The following ZFHX3 variants were observed in gnomAD, a reference collection of about 807,000 sequenced individuals.
ZFHX3 encodes zinc finger homeobox protein 3.
Under a neutral mutation model 279.1 loss-of-function variants are expected in ZFHX3, and 42 were observed. That is an observed-to-expected ratio of 0.15 (90% CI 0.12 to 0.19). The LOEUF (loss-of-function observed/expected upper bound fraction) is 0.19. Among genes scored for constraint, ZFHX3 ranks in the 10% least tolerant of loss-of-function variants. The probability of loss-of-function intolerance (pLI) is 1.00; values close to 1 mark genes in which losing one functional copy is unlikely to be tolerated. For synonymous variants in ZFHX3, 2,293 were observed against 1,957.8 expected (o/e 1.17, Z -4.52); for missense variants, 4,981 against 4,754.0 (o/e 1.05, Z -1.40).
intron 3 of ZFHX3, among the ~76,000 whole-genome samples, chr16:72,894,148 C>CA (rs11340955): frequency 0.02 from 2,441 of 124,794 alleles, 34 homozygotes; most frequent in African/African-American, 0.028. Flanking sequence ...AACTCTGTCT[C>CA]AAAAAAAAAA....
chr16:73,726,454 A>T (rs1477716552), intron 1 of ZFHX3, among the ~76,000 whole-genome samples: 1 of 152,136 alleles, frequency 6.6e-6, no homozygotes, highest in Non-Finnish European at 1.5e-5. Flanking sequence ...TGTCCTATGC[A>T]CTGGGGGTTT....
At chr16:73,462,683 C>T (rs2143583545) in intron 2 of ZFHX3, among the ~76,000 whole-genome samples, 1 of 152,128 alleles carries the variant, frequency 6.6e-6, no homozygotes, top group South Asian at 2.1e-4. Context: ...TTATACATTC[C>T]TCTTCTTTAG....
rs541714634 is a variant in ZFHX3 at position 73,202,124 on chromosome 16, A to C, written c.-1104+54923T>G. Among the ~76,000 whole-genome samples, 8 of 152,328 alleles carry C rather than the reference A, an allele frequency of 5.3e-5. No homozygotes were observed. The South Asian group carries it at 1.7e-3, about 32-fold the overall frequency. ...AGATCTCAGCTCAATATTATTCACTATAAGTCTGTGTAGCCAACCACCCAT... is the reference window on the plus strand; with the variant it reads ...AGATCTCAGCTCAATATTATTCACTCTAAGTCTGTGTAGCCAACCACCCAT... On this transcript the variant is annotated intron_variant, in intron 5 of 17. Transcript: ENST00000641206.
Position 72,794,662 on chromosome 16 carries a change from T to C in ZFHX3, c.8020A>G (p.Ile2674Val), listed in dbSNP as rs772944287. ...SNPTRKMLDH[I>V]AHEVGLKKRV... is the part of the protein sequence containing the mutation. ...TTCTTCAAGCCCACCTCGTGTGCAATGTGATCCAACATCTTTCGAGTCGGA... is the reference window on the plus strand; with the variant it reads ...TTCTTCAAGCCCACCTCGTGTGCAACGTGATCCAACATCTTTCGAGTCGGA... The change falls in exon 9 of 10, where the codon ATT (isoleucine) becomes GTT (valine). Residue 2674 changes from isoleucine to valine, a missense_variant. Physicochemically the swap from Ile to Val is conservative, Grantham distance 29. This residue lies in a region of ZFHX3 where 744 missense variants were observed against 701.3 expected (regional missense o/e 1.06). Transcript: ENST00000268489. This position sits in a 1 kb window ranked among gnomAD's most constrained non-coding sequence, Gnocchi z 4.2. 3.1e-6 allele frequency: 5 copies of C among 1,614,226 alleles called. No individual in the cohort carries two copies. In the Admixed American group the frequency reaches 8.3e-5, roughly 27 times the overall value.
intron 2 of ZFHX3, among the ~76,000 whole-genome samples, chr16:73,511,336 C>T (rs1355520585): frequency 1.3e-5 from 2 of 152,172 alleles, no homozygotes; most frequent in African/African-American, 4.8e-5. Flanking sequence ...GATCACTTCC[C>T]CTATCAGTCC....
chr16:73,165,537 T>C (rs915094662), intron 5 of ZFHX3, among the ~76,000 whole-genome samples: 2 of 152,166 alleles, frequency 1.3e-5, no homozygotes, highest in African/African-American at 4.8e-5. Context: ...ACTTGGTCTA[T>C]GGAAAATGTA....
intron 5 of ZFHX3, among the ~76,000 whole-genome samples, chr16:73,229,774 G>C (rs1156656466): frequency 6.6e-6 from 1 of 152,146 alleles, no homozygotes; most frequent in African/African-American, 2.4e-5. Context: ...TAGTTCATAA[G>C]ACTCTTGAAA....
intron 1 of ZFHX3, among the ~76,000 whole-genome samples, chr16:73,713,474 C>T (rs2053383580): frequency 6.6e-6 from 1 of 152,084 alleles, no homozygotes. Flanking sequence ...TAGCACAAAC[C>T]CTGCAAATAG....
intron 2 of ZFHX3, among the ~76,000 whole-genome samples, chr16:73,528,090 C>A (rs2019725806): frequency 6.6e-6 from 1 of 152,132 alleles, no homozygotes; most frequent in Non-Finnish European, 1.5e-5. Context: ...TTTTAGTATC[C>A]TTTTCTCTAA....
rs530797857 is a variant in ZFHX3, at chr16:73,124,489, C to T, written c.-897+6479G>A. On this transcript the variant is annotated intron_variant, in intron 7 of 17. Coordinates refer to the ZFHX3 transcript ENST00000641206. ...ATTAGGTTTCAACATTCAGACCATA[C>T]CCTAGAGCGATTCAGAGTGCGGGCT... is the stretch of plus-strand genomic sequence containing the variant. Among the ~76,000 whole-genome samples the T allele has an allele frequency of 3.6e-4, 55 of 152,302 alleles. No homozygotes were observed. The South Asian group carries it at 0.011, about 32-fold the overall frequency.
At position 73,779,158 on chromosome 16, in the gene ZFHX3, C is replaced by A. The variant is rs80313331; in HGVS notation, c.-1607-98918G>T. On this transcript the variant is annotated intron_variant, in intron 1 of 17. Transcript: ENST00000641206. ...AAACCAGCATATGGCTATAGCATTC[C>A]CGAGCCTCCCAACATGTGCCAAAGT... Among the ~76,000 whole-genome samples, 1,216 of 152,228 alleles carry A rather than the reference C, an allele frequency of 8.0e-3. 17 individuals carry two copies. Among genetic ancestry groups the A allele is most frequent in the African/African-American group, 0.028 (1,162 of 41,524 alleles).
chr16:73,662,177 T>C (rs1003627044), intron 2 of ZFHX3, among the ~76,000 whole-genome samples: 2 of 152,302 alleles, frequency 1.3e-5, no homozygotes, highest in East Asian at 3.9e-4. Flanking sequence ...GGTGATATAA[T>C]CACCTGTTAC....
chr16:73,849,921 C>A (rs975699080), intron 1 of ZFHX3, among the ~76,000 whole-genome samples: 4 of 151,994 alleles, frequency 2.6e-5, no homozygotes, highest in African/African-American at 9.7e-5. Context: ...TTAGTAGAGG[C>A]GGGGTTTCAC....
chr16:73,433,927 G>C (rs2017952621), intron 3 of ZFHX3, among the ~76,000 whole-genome samples: 1 of 152,326 alleles, frequency 6.6e-6, no homozygotes, highest in East Asian at 1.9e-4. Context: ...GCCAGAGGGA[G>C]AAAGACTGGA....
At chr16:73,718,747 C>G (rs2053443176) in intron 1 of ZFHX3, among the ~76,000 whole-genome samples, 1 of 151,826 alleles carries the variant, frequency 6.6e-6, no homozygotes, top group Non-Finnish European at 1.5e-5. Flanking sequence ...TTCTGAGTAG[C>G]TGGGACTACA....
chr16:73,357,877 G>A (rs770277750), intron 3 of ZFHX3, among the ~76,000 whole-genome samples: 7 of 152,256 alleles, frequency 4.6e-5, no homozygotes, highest in Non-Finnish European at 8.8e-5. Flanking sequence ...CCCACCCACT[G>A]CTGTCTAATA....
chr16:73,613,093 C>T (rs986244500), intron 2 of ZFHX3, among the ~76,000 whole-genome samples: 3 of 152,086 alleles, frequency 2.0e-5, no homozygotes, highest in Admixed American at 2.0e-4. Context: ...AAATAGAAAG[C>T]AAGTTTTTAT....
At chr16:72,928,093 T>C (rs1597385449) in intron 3 of ZFHX3, among the ~76,000 whole-genome samples, 1 of 98,638 alleles carries the variant, frequency 1.0e-5, no homozygotes, top group African/African-American at 3.9e-5. Context: ...CTCAATGATG[T>C]GGAGGATGGG....
intron 4 of ZFHX3, among the ~76,000 whole-genome samples, chr16:73,297,991 C>A (rs1252909198): frequency 2.6e-5 from 4 of 151,116 alleles, no homozygotes; most frequent in African/African-American, 9.8e-5. Context: ...TTGAGACCAG[C>A]CTGGGCAACA....
Sources: gnomAD v4.1 joint callset for allele counts (sites outside exome capture counted in the v4.1 genomes callset) on GRCh38, gnomAD v4.1.1 for gene constraint, gnomAD v4.1.1 regional missense constraint, Gnocchi (gnomAD v3.1) non-coding constraint, MANE v1.5 for transcripts, NCBI Gene and HGNC (gene_info 2026-07-23, HGNC 2026-07-21) for gene names.